The following WWOX variants were observed in gnomAD, a reference collection of about 807,000 sequenced individuals.
WWOX encodes the protein WW domain containing oxidoreductase.
Under a neutral mutation model 46.2 loss-of-function variants are expected in WWOX, and 69 were observed. The observed-to-expected ratio is 1.49, with a 90% CI of 1.23 to 1.82. The LOEUF (loss-of-function observed/expected upper bound fraction) is 1.82, where lower values mean the gene tolerates loss of function less well. Ranked by LOEUF, WWOX falls within the 40% of genes most tolerant of loss-of-function variation. The pLI, the probability that WWOX is intolerant of heterozygous loss-of-function variation, is 0.00. For missense variants in WWOX, 919 were observed against 542.6 expected (o/e 1.69, Z -6.89); for synonymous variants, 359 against 202.6 (o/e 1.77, Z -6.56).
chr16:79,033,685 A>G (rs964707030), intron 8 of WWOX, among the ~76,000 whole-genome samples: 10 of 152,290 alleles, frequency 6.6e-5, no homozygotes, highest in African/African-American at 2.4e-4. Context: ...GCAAAACTGA[A>G]ACGCTGTACC....
At chr16:78,457,014 C>G (rs1044214388) in intron 8 of WWOX, among the ~76,000 whole-genome samples, 1 of 152,222 alleles carries the variant, frequency 6.6e-6, no homozygotes, top group African/African-American at 2.4e-5. Context: ...AATGATGCTA[C>G]TGGCAGGATG....
rs573665470 is a variant in WWOX at position 78,282,902 on chromosome 16, G to T, written c.517-103958G>T. ...TCAAAAAAAAAAAAAAAAAAAAAAG[G>T]ACAGGGAAAATGTCCAGGAAGGATG... On this transcript the variant is annotated intron_variant, in intron 5 of 8. Transcript: ENST00000566780. 2.9e-4 allele frequency among the ~76,000 whole-genome samples: 41 copies of T among 142,292 alleles called. No individual in the cohort carries two copies. In the South Asian group the frequency reaches 3.6e-3, roughly 13 times the overall value. 93.3% of individuals were successfully genotyped at this position (142,292 alleles called of 152,430 possible).
intron 8 of WWOX, among the ~76,000 whole-genome samples, chr16:79,180,658 TTTCTCTCTC>T (rs553971245): frequency 2.0e-4 from 27 of 137,764 alleles, no homozygotes; most frequent in Non-Finnish European, 3.7e-4. Flanking sequence ...TCTCTTCTTC[TTTCTCTCTC>T]TTCTCTCTCT....
chr16:78,624,300 C>T (rs899498157), intron 8 of WWOX, among the ~76,000 whole-genome samples: 4 of 151,312 alleles, frequency 2.6e-5, no homozygotes, highest in African/African-American at 4.9e-5. Context: ...TTCCAACTGG[C>T]AGGGGCTCTG....
At chr16:78,414,232 G>T (rs1256189333) in intron 6 of WWOX, among the ~76,000 whole-genome samples, 2 of 151,760 alleles carry the variant, frequency 1.3e-5, no homozygotes, top group African/African-American at 4.8e-5. Flanking sequence ...TCCCTTTGCT[G>T]ACCCCTTTTT....
chr16:78,329,947 T>A (rs1327027169), intron 5 of WWOX, among the ~76,000 whole-genome samples: 1 of 152,060 alleles, frequency 6.6e-6, no homozygotes, highest in Admixed American at 6.5e-5. Context: ...GTTCTTGCTA[T>A]GTTGCCCACA....
At chr16:78,422,663 G>GTATGTATATATATATATA (rs1555536293) in intron 6 of WWOX, among the ~76,000 whole-genome samples, 2 of 24,410 alleles carry the variant, frequency 8.2e-5, no homozygotes, top group Non-Finnish European at 2.2e-4. Flanking sequence ...TTTTTTACAT[G>GTATGTATATATATATATA]TATATATATA....
chr16:79,176,371 G>A (rs934305802), intron 8 of WWOX, among the ~76,000 whole-genome samples: 1 of 152,158 alleles, frequency 6.6e-6, no homozygotes, highest in African/African-American at 2.4e-5. Context: ...CTATTGGTAA[G>A]CACTAGTCAC....
At chr16:78,945,853 G>T (rs953926252) in intron 8 of WWOX, among the ~76,000 whole-genome samples, 1 of 152,092 alleles carries the variant, frequency 6.6e-6, no homozygotes, top group Non-Finnish European at 1.5e-5. Flanking sequence ...TCATCTCGTA[G>T]TCACTGGATA....
chr16:78,919,193 A>C (rs185353510), intron 8 of WWOX, among the ~76,000 whole-genome samples: 1 of 152,098 alleles, frequency 6.6e-6, no homozygotes, highest in South Asian at 2.1e-4. Flanking sequence ...GCTCTGTGCT[A>C]TTCTCTTATG....
chr16:78,491,241 G>T (rs1352102924), intron 8 of WWOX, among the ~76,000 whole-genome samples: 2 of 152,104 alleles, frequency 1.3e-5, no homozygotes, highest in South Asian at 4.1e-4. Flanking sequence ...TTCCCTCTCA[G>T]TCAGCTGCTA....
At chr16:78,635,232 C>T (rs574452985) in intron 8 of WWOX, among the ~76,000 whole-genome samples, 8 of 152,250 alleles carry the variant, frequency 5.3e-5, no homozygotes, top group East Asian at 1.9e-4. Context: ...GAATTAGATG[C>T]GTGAGACCCT....
chr16:78,747,182 T>A lies in WWOX; in HGVS notation c.1056+314430T>A, dbSNP rs755692972. Among the ~76,000 whole-genome samples, 587 of 149,448 alleles carry A rather than the reference T, an allele frequency of 3.9e-3. 1 individual carries two copies. Among genetic ancestry groups the A allele is most frequent in the Middle Eastern group, 6.9e-3 (2 of 288 alleles). On this transcript the variant is annotated intron_variant, in intron 8 of 8. Transcript: ENST00000566780. ...CTGGGAAGAGTGGTGGGGGGCACTT[T>A]CTTGCCCATTTTTTTTTTTTTTTTT...
chr16:78,847,279 C>G (rs113573312), intron 8 of WWOX, among the ~76,000 whole-genome samples: 4 of 152,304 alleles, frequency 2.6e-5, no homozygotes, highest in African/African-American at 7.2e-5. Flanking sequence ...GTGTATTATA[C>G]AAACCCATGC....
At chr16:78,765,743 C>T (rs1016207433) in intron 8 of WWOX, among the ~76,000 whole-genome samples, 5 of 152,036 alleles carry the variant, frequency 3.3e-5, no homozygotes, top group East Asian at 1.9e-4. Flanking sequence ...GCAGTTGTGC[C>T]GAGGAGGGAC....
intron 8 of WWOX, chr16:78,897,609 A>G (rs990354243): frequency 3.9e-5 from 6 of 152,160 alleles, no homozygotes; most frequent in East Asian, 1.9e-4. Context: ...TTTGTTGGCT[A>G]TTATGAATAA....
At chr16:78,929,857 C>G (rs1298373168) in intron 8 of WWOX, among the ~76,000 whole-genome samples, 1 of 152,142 alleles carries the variant, frequency 6.6e-6, no homozygotes, top group Non-Finnish European at 1.5e-5. Flanking sequence ...TGCACGGACC[C>G]TTGCCTTTTT....
chr16:78,651,490 G>A (rs1260449991), intron 8 of WWOX, among the ~76,000 whole-genome samples: 1 of 152,200 alleles, frequency 6.6e-6, no homozygotes, highest in African/African-American at 2.4e-5. Context: ...TGTTAAAATG[G>A]TATCAAAGAT....
At chr16:78,169,185 A>T (rs933797404) in intron 5 of WWOX, among the ~76,000 whole-genome samples, 1 of 152,160 alleles carries the variant, frequency 6.6e-6, no homozygotes, top group African/African-American at 2.4e-5. Flanking sequence ...TCTTAAGACA[A>T]GCACCTATCG....
Sources: allele counts gnomAD v4.1 joint callset (sites outside exome capture counted in the v4.1 genomes callset), GRCh38; gene constraint gnomAD v4.1.1; transcripts MANE v1.5; gene names NCBI Gene and HGNC (gene_info 2026-07-23, HGNC 2026-07-21).